Variants in DSCAML1 observed in about 807,000 individuals in gnomAD.
DSCAML1 encodes cell adhesion molecule DSCAML1.
A neutral mutation model predicts 200.5 loss-of-function variants in DSCAML1; 38 were observed. The ratio of observed to expected loss-of-function variants is 0.19; its 90% CI spans 0.15 to 0.25. The LOEUF is 0.25. Ranked by LOEUF, DSCAML1 falls within the 10% of genes least tolerant of loss-of-function variation. The pLI is 1.00. For synonymous variants in DSCAML1, 1,215 were observed against 1,165.0 expected (o/e 1.04, Z -0.87); for missense variants, 2,223 against 2,858.8 (o/e 0.78, Z 5.07).
chr11:117,747,872 T>C (rs2054543090), intron 3 of DSCAML1, among the ~76,000 whole-genome samples: 1 of 152,152 alleles, frequency 6.6e-6, no homozygotes, highest in South Asian at 2.1e-4. Context: ...CAGACTGAAA[T>C]GCAAGGTGCT....
chr11:117,611,344 G>C (rs1341417218), intron 3 of DSCAML1: 2 of 152,236 alleles, frequency 1.3e-5, no homozygotes, highest in African/African-American at 4.8e-5. Context: ...TTGGAGTATG[G>C]TGAGTATTAT....
At position 117,528,938 on chromosome 11, in the gene DSCAML1, C is replaced by G. The variant is rs566349915; in HGVS notation, c.658+3438G>C. ...ATGAAAGTTGCCGCCCCCCGCCCCC[C>G]CCCTTGGGAATGTAGTAGGAATAAC... On this transcript the variant is annotated intron_variant, in intron 4 of 32. Transcript: ENST00000651296. Among the ~76,000 whole-genome samples, 1,107 of 151,476 alleles carry G rather than the reference C, an allele frequency of 7.3e-3. 15 individuals are homozygous for G. Among genetic ancestry groups the G allele is most frequent in the African/African-American group, 0.024 (984 of 41,296 alleles).
rs2049427921 is a variant in DSCAML1, at chr11:117,503,057, G to A, written c.2359+788C>T. On this transcript the variant is annotated intron_variant, in intron 11 of 32. Transcript: ENST00000651296. The surrounding 1 kb of genome is among the most constrained non-coding windows in gnomAD (Gnocchi z 5.2). ...CCAGGAATCCATTATACAGACACCT[G>A]CAGCGTAAAGGGAGAGGCTCACCCA... Among the ~76,000 whole-genome samples, 1 of 152,126 alleles carries A rather than the reference G, an allele frequency of 6.6e-6. No individual in the cohort carries two copies. Among genetic ancestry groups the A allele is most frequent in the South Asian group, 2.1e-4 (1 of 4,820 alleles).
chr11:117,471,092 G>T (rs609341), intron 15 of DSCAML1, among the ~76,000 whole-genome samples: 75,089 of 152,016 alleles, frequency 0.49, 19,973 homozygotes, highest in African/African-American at 0.69. Context: ...GCTGGCTAAT[G>T]GATGATGAGT....
chr11:117,727,208 G>A (rs749092638), intron 3 of DSCAML1, among the ~76,000 whole-genome samples: 5 of 152,148 alleles, frequency 3.3e-5, no homozygotes, highest in Non-Finnish European at 7.3e-5. Flanking sequence ...TTGAATCCTG[G>A]TTTGAGGTTG....
At chr11:117,771,999 G>A (rs771552168) in intron 3 of DSCAML1, among the ~76,000 whole-genome samples, 7 of 152,058 alleles carry the variant, frequency 4.6e-5, no homozygotes, top group Non-Finnish European at 1.0e-4. Context: ...GGACTAGGAC[G>A]CAAGACAGAA....
intron 14 of DSCAML1, among the ~76,000 whole-genome samples, chr11:117,474,064 G>C (rs142888554): frequency 6.6e-4 from 101 of 152,276 alleles, no homozygotes; most frequent in Admixed American, 2.0e-3. Context: ...GACTGGGGCG[G>C]TGTGTCTGGA....
chr11:117,532,460 C>A lies in DSCAML1; in HGVS notation c.574G>T (p.Ala192Ser). The change falls in exon 4 of 33, where the codon GCC becomes TCC. Residue 192 changes from alanine to serine, a missense_variant. Around this residue, in one of 7 missense-constraint regions of DSCAML1, gnomAD observed 579 missense variants for 721.5 expected, o/e 0.80. Coordinates refer to ENST00000651296, the MANE Select transcript of DSCAML1 (RefSeq NM_020693.4). ...GTGATGCAGCGATAGGTGGAGAGGG[C>A]GTCCTCCTTCTGTACGTCAGAGATG... is the stretch of plus-strand genomic sequence containing the variant. ...LYISDVQKED[A>S]LSTYRCITKH... 6.2e-7 allele frequency: 1 copy of A among 1,614,132 alleles called. No homozygotes were observed. Among genetic ancestry groups the A allele is most frequent in the South Asian group, 1.1e-5 (1 of 91,084 alleles).
rs114285736 is a variant in DSCAML1, at chr11:117,481,300, G to A, written c.2560-30C>T. 8.8e-4 allele frequency: 1,409 copies of A among 1,606,954 alleles called. 11 individuals are homozygous for A. In the African/African-American group the frequency reaches 0.017, roughly 20 times the overall value. ...GAGACCACCAGCAGGGGCAGGAGAG[G>A]GAGTAAACAGGGAGAGTCTTTTAGA... On this transcript the variant is annotated intron_variant, in intron 12 of 32. Coordinates refer to ENST00000651296, the MANE Select transcript of DSCAML1 (RefSeq NM_020693.4).
chr11:117,485,328 C>G (rs1290314171), intron 11 of DSCAML1, among the ~76,000 whole-genome samples: 2 of 152,310 alleles, frequency 1.3e-5, no homozygotes, highest in Admixed American at 1.3e-4. Flanking sequence ...TGGTAACAAC[C>G]ATACCTGGAG....
At chr11:117,436,624 C>G (rs1057227601) in intron 26 of DSCAML1, among the ~76,000 whole-genome samples, 1 of 152,060 alleles carries the variant, frequency 6.6e-6, no homozygotes, top group African/African-American at 2.4e-5. Context: ...CTGGAGTCTC[C>G]ATGTTCAAAA....
chr11:117,705,382 T>C (rs377731195), intron 3 of DSCAML1, among the ~76,000 whole-genome samples: 1 of 152,264 alleles, frequency 6.6e-6, no homozygotes, highest in African/African-American at 2.4e-5. Context: ...TTTTTGCTTT[T>C]GTGAAGCAAG....
chr11:117,486,514 G>A (rs546866795), intron 11 of DSCAML1, among the ~76,000 whole-genome samples: 1 of 152,338 alleles, frequency 6.6e-6, no homozygotes, highest in South Asian at 2.1e-4. Flanking sequence ...CATGTCTCAG[G>A]CAAGAAGGAA....
intron 3 of DSCAML1, among the ~76,000 whole-genome samples, chr11:117,558,961 T>C (rs1026829906): frequency 6.6e-6 from 1 of 152,186 alleles, no homozygotes; most frequent in Non-Finnish European, 1.5e-5. Context: ...GGTGCCAAGG[T>C]CGTCTAGCTA....
Position 117,463,988 on chromosome 11 carries a change from G to T in DSCAML1, c.3265+954C>A, listed in dbSNP as rs1384779209. ...ACCTAATGTGTCCACCATCCCCAGGGTGCTGCATTTTCAGAGAGGATGAGC... is the reference window on the plus strand; with the variant it reads ...ACCTAATGTGTCCACCATCCCCAGGTTGCTGCATTTTCAGAGAGGATGAGC... On this transcript the variant is annotated intron_variant, in intron 17 of 32. Transcript: ENST00000651296. The surrounding 1 kb of genome is among the most constrained non-coding windows in gnomAD (Gnocchi z 4.0). Among the ~76,000 whole-genome samples, 2 of 152,210 alleles carry T rather than the reference G, an allele frequency of 1.3e-5. No individual in the cohort carries two copies. The highest frequency in any genetic ancestry group is 2.9e-5 in the Non-Finnish European group (2 of 68,048).
intron 3 of DSCAML1, among the ~76,000 whole-genome samples, chr11:117,656,496 CATCTATCTATCTATCT>C (rs71469141): frequency 3.0e-4 from 44 of 147,398 alleles, no homozygotes; most frequent in South Asian, 6.7e-4. Flanking sequence ...TTACCTAAAT[CATCTATCTATCTATCT>C]ATCTATCTAT....
intron 11 of DSCAML1, among the ~76,000 whole-genome samples, chr11:117,488,306 G>A (rs11821914): frequency 2.6e-5 from 4 of 152,152 alleles, no homozygotes; most frequent in African/African-American, 9.7e-5. Flanking sequence ...TCAGGGCATA[G>A]GTGCCTGCCC....
chr11:117,591,930 A>C (rs910635405), intron 3 of DSCAML1, among the ~76,000 whole-genome samples: 1 of 152,100 alleles, frequency 6.6e-6, no homozygotes, highest in Non-Finnish European at 1.5e-5. Context: ...GTTTCCTGCA[A>C]GTTCTAAACA....
chr11:117,600,348 C>T (rs1249780782), intron 3 of DSCAML1, among the ~76,000 whole-genome samples: 1 of 152,064 alleles, frequency 6.6e-6, no homozygotes, highest in Non-Finnish European at 1.5e-5. Context: ...GGCACGTGAC[C>T]GCCTCTCCCG....
Sources: allele counts gnomAD v4.1 joint callset (sites outside exome capture counted in the v4.1 genomes callset), GRCh38; gene constraint gnomAD v4.1.1; regional missense constraint gnomAD v4.1.1; non-coding constraint Gnocchi (gnomAD v3.1); transcripts MANE v1.5; gene names NCBI Gene and HGNC (gene_info 2026-07-23, HGNC 2026-07-21).